Variants in FRMD4B observed in about 807,000 individuals in gnomAD.
The protein encoded by FRMD4B is FERM domain-containing protein 4B.
FRMD4B carries 74 observed loss-of-function variants against 141.5 expected under a neutral mutation model. The observed-to-expected ratio is 0.52, with a 90% CI of 0.43 to 0.63. The LOEUF is 0.63. FRMD4B is among the 30% of genes least tolerant of loss of function. The probability of loss-of-function intolerance (pLI) is 0.00; values close to 1 mark genes in which losing one functional copy is unlikely to be tolerated. For missense variants in FRMD4B, 1,366 were observed against 1,253.4 expected, an observed-to-expected ratio of 1.09 and a Z score of -1.36; for synonymous variants, 506 against 467.9, an observed-to-expected ratio of 1.08 and a Z score of -1.05.
chr3:69,354,890 G>T (rs534168720), intron 1 of FRMD4B, among the ~76,000 whole-genome samples: 2 of 152,272 alleles, frequency 1.3e-5, no homozygotes, highest in South Asian at 2.1e-4. Flanking sequence ...AGTAGAAAAG[G>T]TGGCAAAAAG....
Position 69,187,821 on chromosome 3 carries a change from T to C in FRMD4B, c.1868A>G (p.His623Arg), listed in dbSNP as rs756325263. ...TTCATTGATGGACGACTTTCTGAAA[T>C]GGATTCGCTCAATACCAAGAGACTT... Reference protein sequence around the residue: ...PPKSLGIERIHFRKSSINEQF... With the variant: ...PPKSLGIERIRFRKSSINEQF... Residue 623 changes from histidine (H) to arginine (R), a missense_variant, in exon 19 of 23, where the codon CAT (histidine) becomes CGT (arginine). Coordinates refer to ENST00000398540, the MANE Select transcript of FRMD4B (RefSeq NM_015123.3). 2 of 1,612,122 alleles carry C rather than the reference T, an allele frequency of 1.2e-6. No homozygotes were observed. The highest frequency in any genetic ancestry group is 1.3e-5 in the African/African-American group (1 of 74,934).
rs1473312947 is a variant in FRMD4B, at chr3:69,317,986, A to T, written c.163-4469T>A. 2.6e-5 allele frequency among the ~76,000 whole-genome samples: 4 copies of T among 151,496 alleles called. 1 individual carries two copies. The East Asian group carries it at 5.8e-4, about 22-fold the overall frequency. ...AGGGAGGATTCTGCTTTATTTATTT[A>T]TTTTTGAGATAGTCTCACTCTGTCA... is the stretch of plus-strand genomic sequence containing the variant. On this transcript the variant is annotated intron_variant, in intron 1 of 22. Transcript: ENST00000398540.
At chr3:69,177,950 G>GT (rs1006526073) in intron 21 of FRMD4B, among the ~76,000 whole-genome samples, 2 of 152,172 alleles carry the variant, frequency 1.3e-5, no homozygotes, top group African/African-American at 4.8e-5. Flanking sequence ...AGGCGAGGTG[G>GT]TAAGTAGCAC....
chr3:69,364,696 C>T (rs138163156), intron 1 of FRMD4B, among the ~76,000 whole-genome samples: 44 of 152,080 alleles, frequency 2.9e-4, no homozygotes, highest in African/African-American at 8.7e-4. Flanking sequence ...CATGGTCGCT[C>T]GTGGCTATGA....
rs930983882 is a variant in FRMD4B at position 69,385,867 on chromosome 3, C to A, written c.123G>T (p.Gln41His). 3 of 1,599,272 alleles carry A rather than the reference C, an allele frequency of 1.9e-6. No individual in the cohort carries two copies. The highest frequency in any genetic ancestry group is 2.6e-6 in the Non-Finnish European group (3 of 1,173,706). The change falls in exon 1 of 23, where the codon CAG becomes CAT. Residue 41 changes from glutamine (Q) to histidine (H), a missense_variant. Gln to His is a conservative substitution (Grantham distance 24). Transcript: ENST00000398540. Reference protein sequence around the residue: ...WYTERLRACHQVLRTWCGLQD... With the variant: ...WYTERLRACHHVLRTWCGLQD... ...GCAGCCCGCACCACGTCCGCAGCAC[C>A]TGGTGGCAAGCCCGCAGCCTCTCCG...
At chr3:69,208,468 G>A (rs1389717211) in intron 11 of FRMD4B, among the ~76,000 whole-genome samples, 1 of 150,490 alleles carries the variant, frequency 6.6e-6, no homozygotes, top group Non-Finnish European at 1.5e-5. Flanking sequence ...CCAAAGTGCT[G>A]GGATTATAGG....
intron 1 of FRMD4B, among the ~76,000 whole-genome samples, chr3:69,501,677 C>T (rs1706499869): frequency 6.6e-6 from 1 of 151,966 alleles, no homozygotes; most frequent in Non-Finnish European, 1.5e-5. Flanking sequence ...GAAGTCCTGG[C>T]CAGGGAAATC....
intron 4 of FRMD4B, among the ~76,000 whole-genome samples, 184 bp from the exon 5 acceptor site, chr3:69,288,020 C>T (rs1211012174): frequency 6.6e-6 from 1 of 152,126 alleles, no homozygotes; most frequent in African/African-American, 2.4e-5. Context: ...TGTATGTATA[C>T]CTAAAATCTC....
At chr3:69,349,756 A>T (rs1703071757) in intron 1 of FRMD4B, among the ~76,000 whole-genome samples, 1 of 152,218 alleles carries the variant, frequency 6.6e-6, no homozygotes, top group African/African-American at 2.4e-5. Flanking sequence ...GGTGCTGGGA[A>T]AACTGGCTAA....
At chr3:69,175,937 T>C (rs746439432) in intron 22 of FRMD4B, among the ~76,000 whole-genome samples, 7 of 151,914 alleles carry the variant, frequency 4.6e-5, no homozygotes, top group East Asian at 1.9e-4. Flanking sequence ...CCCGCCACCA[T>C]GCCCAACTAA....
At chr3:69,536,380 C>A (rs370701491) in intron 1 of FRMD4B, 3 of 705,118 alleles carry the variant, frequency 4.3e-6, no homozygotes, top group Non-Finnish European at 7.8e-6. Flanking sequence ...GAGGAGGCTG[C>A]GGCACATGCC....
intron 1 of FRMD4B, among the ~76,000 whole-genome samples, chr3:69,335,407 C>T (rs1456700652): frequency 8.0e-6 from 1 of 124,894 alleles, no homozygotes; most frequent in Admixed American, 9.7e-5. Context: ...GAGTCTTGAT[C>T]TGTTGCCCAG....
intron 1 of FRMD4B, among the ~76,000 whole-genome samples, chr3:69,458,177 G>A (rs1705648751): frequency 6.6e-6 from 1 of 152,158 alleles, no homozygotes; most frequent in South Asian, 2.1e-4. Context: ...TTACACCACA[G>A]AGCCCAGAAA....
chr3:69,217,322 ATTAAAG>A (rs2093150873), intron 10 of FRMD4B, among the ~76,000 whole-genome samples: 2 of 152,134 alleles, frequency 1.3e-5, no homozygotes, highest in Admixed American at 1.3e-4. Flanking sequence ...GTCAGTAGAA[ATTAAAG>A]TTAAATTGGA....
chr3:69,249,478 A>G (rs2093447269), intron 6 of FRMD4B, among the ~76,000 whole-genome samples: 1 of 152,248 alleles, frequency 6.6e-6, no homozygotes, highest in Admixed American at 6.5e-5. Context: ...ATGTATGTGA[A>G]AAAGCACAGA....
intron 11 of FRMD4B, among the ~76,000 whole-genome samples, chr3:69,207,435 T>C (rs1468061283): frequency 6.6e-6 from 1 of 152,214 alleles, no homozygotes; most frequent in Non-Finnish European, 1.5e-5. Context: ...GTCAATCCTA[T>C]TTATGAGCTA....
chr3:69,495,062 C>T (rs1706362445), intron 1 of FRMD4B, among the ~76,000 whole-genome samples: 1 of 152,060 alleles, frequency 6.6e-6, no homozygotes, highest in Non-Finnish European at 1.5e-5. Context: ...TTCTAAAATT[C>T]CAGAAGTGGT....
At chr3:69,486,425 C>G (rs138648722) in intron 1 of FRMD4B, among the ~76,000 whole-genome samples, 1 of 140,380 alleles carries the variant, frequency 7.1e-6, no homozygotes, top group African/African-American at 2.8e-5. Flanking sequence ...TATGCCTTTG[C>G]GTCCTTATAG....
chr3:69,300,388 G>T (rs1219505958), intron 4 of FRMD4B, among the ~76,000 whole-genome samples: 1 of 152,196 alleles, frequency 6.6e-6, no homozygotes, highest in Non-Finnish European at 1.5e-5. Flanking sequence ...AATGCGAAGT[G>T]ATTAGGGGAC....
Sources: allele counts gnomAD v4.1 joint callset (sites outside exome capture counted in the v4.1 genomes callset), GRCh38; gene constraint gnomAD v4.1.1; transcripts MANE v1.5; gene names NCBI Gene and HGNC (gene_info 2026-07-23, HGNC 2026-07-21).